NCOA4: variants seen among roughly 807,000 people sequenced by gnomAD.
The protein encoded by NCOA4 is 70 kDa AR-activator.
NCOA4 carries 31 observed loss-of-function variants against 69.5 expected under a neutral mutation model. The ratio of observed to expected loss-of-function variants is 0.45; its 90% confidence interval spans 0.34 to 0.60. NCOA4 has a LOEUF of 0.60. NCOA4 is among the 20% of genes least tolerant of loss of function. NCOA4 has a pLI of 0.02. For missense variants in NCOA4, 600 were observed against 719.2 expected (o/e 0.83, Z 1.90); for synonymous variants, 228 against 252.4 (o/e 0.90, Z 0.92).
chr10:46,027,769 G>C (rs933920702), intron 1 of NCOA4, among the ~76,000 whole-genome samples: 2 of 152,182 alleles, frequency 1.3e-5, no homozygotes, highest in African/African-American at 4.8e-5. Context: ...TACTGCTTGA[G>C]AAAGTGCTCT....
chr10:46,030,262 G>A (rs1840387009), intron 1 of NCOA4, among the ~76,000 whole-genome samples: 2 of 152,018 alleles, frequency 1.3e-5, no homozygotes, highest in Admixed American at 6.5e-5. Flanking sequence ...GAGGGTCGGG[G>A]AGGAAAAGAC....
chr10:46,013,158 C>T (rs1000920605), intron 6 of NCOA4, 132 bp from the exon 7 acceptor site: 11 of 772,564 alleles, frequency 1.4e-5, no homozygotes, highest in Admixed American at 1.3e-4. Flanking sequence ...TCAATTTTCA[C>T]AATTATAAAA....
At chr10:46,021,591 TTCAG>T (rs1457461088) in intron 1 of NCOA4, among the ~76,000 whole-genome samples, 2 of 152,224 alleles carry the variant, frequency 1.3e-5, no homozygotes, top group African/African-American at 2.4e-5. Flanking sequence ...CGTTAAGATT[TTCAG>T]TCAATTTTCA....
intron 5 of NCOA4, among the ~76,000 whole-genome samples, chr10:46,014,174 C>T (rs1839399286): frequency 1.3e-5 from 2 of 151,980 alleles, no homozygotes; most frequent in South Asian, 4.2e-4. Context: ...TTATAGGCGC[C>T]CAGCTAATTT....
intron 9 of NCOA4, chr10:46,009,207 G>A: frequency 3.2e-6 from 5 of 1,549,812 alleles, no homozygotes; most frequent in Non-Finnish European, 4.4e-6. Flanking sequence ...TCATTTTGAA[G>A]TATGCCTAGT....
rs782309071 is a variant in NCOA4, at chr10:46,013,496, AG to A, written c.570+53del. 5.3e-6 allele frequency: 7 copies of A among 1,311,708 alleles called. No homozygotes were observed. In the South Asian group the frequency reaches 6.2e-5, roughly 12 times the overall value. The allele number at this position is 1,311,708 out of a possible 1,614,324, so 81.3% of individuals were successfully genotyped here. ...TTTTTTAATGCTATATAAAACCCAA[AG>A]GAAGTATAAGCCAAGTAATGACTCA... On this transcript the variant is annotated intron_variant, in intron 6 of 9. Coordinates refer to ENST00000581486, the MANE Select transcript of NCOA4 (RefSeq NM_001145263.2).
In NCOA4 at chr10:46,014,846, G is replaced by A; in HGVS notation, c.371+8C>T. 6.2e-7 allele frequency: 1 copy of A among 1,610,360 alleles called. No homozygotes were observed. Among genetic ancestry groups the A allele is most frequent in the Non-Finnish European group, 8.5e-7 (1 of 1,177,644 alleles). On this transcript the variant is annotated splice_region_variant and intron_variant, in intron 4 of 9. Transcript: ENST00000581486. ...TCAAAAGTTAAAATACGCAAAAAGG[G>A]TCATTACCTCTCCAGGCACACAGAG... is the stretch of plus-strand genomic sequence containing the variant.
intron 1 of NCOA4, among the ~76,000 whole-genome samples, chr10:46,020,994 G>A (rs1839835304): frequency 6.6e-6 from 1 of 152,182 alleles, no homozygotes; most frequent in Non-Finnish European, 1.5e-5. Flanking sequence ...AGGAAGTAAA[G>A]GAGGAGGAAA....
chr10:46,019,281 T>G, intron 1 of NCOA4: 4 of 963,714 alleles, frequency 4.2e-6, no homozygotes, highest in Non-Finnish European at 4.9e-6. Flanking sequence ...GCAGAAGCAT[T>G]AGTGTGCACT....
At chr10:46,017,560 G>C (rs1002152227) in intron 1 of NCOA4, among the ~76,000 whole-genome samples, 1 of 151,934 alleles carries the variant, frequency 6.6e-6, no homozygotes, top group Admixed American at 6.6e-5. Flanking sequence ...CAACAAAAAA[G>C]AATATAACAG....
rs147337428 is a variant in NCOA4, at chr10:46,022,409, G to A, written c.-14-5715C>T. On this transcript the variant is annotated intron_variant, in intron 1 of 9. Transcript: ENST00000581486. ...AAAAAATATTTTGCAATTTTACCTT[G>A]AGACTTTTTTCACTTCACACGTTCT... 1.2e-3 allele frequency: 564 copies of A among 452,646 alleles called. 2 individuals are homozygous for A. Among genetic ancestry groups the A allele is most frequent in the African/African-American group, 0.011 (526 of 48,402 alleles). 28.0% of individuals were successfully genotyped at this position (452,646 alleles called of 1,614,324 possible).
intron 7 of NCOA4, among the ~76,000 whole-genome samples, chr10:46,012,148 C>T (rs1161227717): frequency 1.9e-5 from 1 of 51,708 alleles, no homozygotes; most frequent in African/African-American, 6.5e-5. Context: ...GAAGAAAAAA[C>T]AAAAGCAAAA....
At chr10:46,006,890 A>G (rs1838853591) in intron 9 of NCOA4, among the ~76,000 whole-genome samples, 1 of 152,172 alleles carries the variant, frequency 6.6e-6, no homozygotes, top group Non-Finnish European at 1.5e-5. Context: ...TATTAACCCT[A>G]CAATTGCATC....
chr10:46,016,362 T>C (rs1434115275), intron 2 of NCOA4, among the ~76,000 whole-genome samples, 178 bp downstream of exon 2: 4 of 152,194 alleles, frequency 2.6e-5, no homozygotes, highest in Non-Finnish European at 4.4e-5. Flanking sequence ...AGCATCTGCC[T>C]TATTTCCCCT....
rs1554920610 is a variant in NCOA4 at position 46,009,553 on chromosome 10, T to C, written c.1699-2A>G. 2 of 1,599,454 alleles carry C rather than the reference T, an allele frequency of 1.3e-6. No homozygotes were observed. Among genetic ancestry groups the C allele is most frequent in the South Asian group, 1.1e-5 (1 of 88,162 alleles). ...TAGAGGTGAATTAAGTAATACTTCC[T>C]GCAATAAAAGAAAAGAGTAGGTTGC... On this transcript the variant is annotated splice_acceptor_variant, in intron 8 of 9. Transcript: ENST00000581486. LOFTEE classifies it high-confidence loss of function.
rs1394105725 is a variant in NCOA4, at chr10:46,022,810, AT to A, written c.-14-6117del. Among the ~76,000 whole-genome samples the A allele has an allele frequency of 3.3e-5, 5 of 152,306 alleles. No individual in the cohort carries two copies. The East Asian group carries it at 9.7e-4, about 29-fold the overall frequency. The stretch of plus-strand genomic sequence containing the variant: ...ACTCATTAACTCAAGGATTATATAC[AT>A]CTTACCTTAGCCCCAGCCCATTTTA... On this transcript the variant is annotated intron_variant, in intron 1 of 9. Coordinates refer to ENST00000581486, the MANE Select transcript of NCOA4 (RefSeq NM_001145263.2).
At position 46,012,920 on chromosome 10, in the gene NCOA4, T is replaced by TC; in HGVS notation, c.676dup (p.Asp226GlyfsTer24). 2 of 1,614,156 alleles carry TC rather than the reference T, an allele frequency of 1.2e-6. No homozygotes were observed. Among genetic ancestry groups the TC allele is most frequent in the Non-Finnish European group, 1.7e-6 (2 of 1,180,004 alleles). The stretch of plus-strand genomic sequence containing the variant: ...CAAGGTCTGCTTTTGGGTAAGCCAG[T>TC]CCTGGGGGTCGGTGCTGGGTATGTA... On this transcript the variant is annotated frameshift_variant, in exon 7 of 10. Coordinates refer to ENST00000581486, the MANE Select transcript of NCOA4 (RefSeq NM_001145263.2). LOFTEE classifies it high-confidence loss of function.
At chr10:46,014,973 A>G (rs782060855) in intron 3 of NCOA4, 31 bp from the exon 4 acceptor site, 1 of 1,600,870 alleles carries the variant, frequency 6.2e-7, no homozygotes, top group South Asian at 1.1e-5. Flanking sequence ...ACTAGCCACA[A>G]TGACACCAAA....
intron 5 of NCOA4, 45 bp from the exon 6 acceptor site, chr10:46,013,684 C>A: frequency 7.4e-7 from 1 of 1,356,690 alleles, no homozygotes; most frequent in Non-Finnish European, 1.0e-6. Context: ...TGCTATGCTG[C>A]CAAAAAAGTG....
Sources: gnomAD v4.1 joint callset for allele counts (sites outside exome capture counted in the v4.1 genomes callset) on GRCh38, gnomAD v4.1.1 for gene constraint, MANE v1.5 for transcripts, NCBI Gene and HGNC (gene_info 2026-07-23, HGNC 2026-07-21) for gene names.